Variants in ITGA8 observed in about 807,000 individuals in gnomAD.
The protein encoded by ITGA8 is integrin subunit alpha 8.
ITGA8 carries 91 observed loss-of-function variants against 142.3 expected under a neutral mutation model. That is an observed-to-expected ratio of 0.64 (90% CI 0.54 to 0.76). The LOEUF (loss-of-function observed/expected upper bound fraction) is 0.76, where lower values mean the gene tolerates loss of function less well. ITGA8 is among the 30% of genes least tolerant of loss of function. The pLI is 0.00. For synonymous variants in ITGA8, 505 were observed against 485.2 expected, an observed-to-expected ratio of 1.04 and a Z score of -0.54; for missense variants, 1,406 against 1,327.7, an observed-to-expected ratio of 1.06 and a Z score of -0.92.
At chr10:15,651,206 A>C (rs1834079209) in intron 11 of ITGA8, among the ~76,000 whole-genome samples, 1 of 152,186 alleles carries the variant, frequency 6.6e-6, no homozygotes, top group Middle Eastern at 3.2e-3. Flanking sequence ...GAAAAAAAAA[A>C]CATATTTGCT....
At chr10:15,595,139 A>G (rs1029104559) in intron 21 of ITGA8, among the ~76,000 whole-genome samples, 2 of 152,238 alleles carry the variant, frequency 1.3e-5, no homozygotes, top group African/African-American at 4.8e-5. Context: ...TGACTTTACT[A>G]TTTAAAAATC....
chr10:15,676,069 T>C (rs937659102), intron 6 of ITGA8, among the ~76,000 whole-genome samples: 1 of 152,154 alleles, frequency 6.6e-6, no homozygotes, highest in African/African-American at 2.4e-5. Flanking sequence ...TTTTGTGAAA[T>C]TAGCGGGCCA....
In ITGA8 at chr10:15,625,356, T is replaced by C. The variant is rs552636880; in HGVS notation, c.1400-8797A>G. On this transcript the variant is annotated intron_variant, in intron 13 of 29. Transcript: ENST00000378076. ...AGAATGATCCTTCCACCTTCAACTG[T>C]TTGATCCTAAACTTGTTGTATTTCG... Among the ~76,000 whole-genome samples the C allele has an allele frequency of 3.9e-5, 6 of 152,368 alleles. No individual in the cohort carries two copies. The East Asian group carries it at 9.6e-4, about 24-fold the overall frequency.
chr10:15,604,940 TG>T (rs1460624676), intron 19 of ITGA8, among the ~76,000 whole-genome samples: 2 of 152,170 alleles, frequency 1.3e-5, no homozygotes, highest in African/African-American at 2.4e-5. Context: ...CACTTAGAAC[TG>T]CAAATCAAGC....
intron 27 of ITGA8, among the ~76,000 whole-genome samples, chr10:15,542,211 T>G (rs566839924): frequency 1.7e-4 from 26 of 152,358 alleles, no homozygotes; most frequent in African/African-American, 5.5e-4. Flanking sequence ...GATCGAATCT[T>G]GCAATTTTGA....
At position 15,644,636 on chromosome 10, in the gene ITGA8, C is replaced by T. The variant is rs570563888; in HGVS notation, c.1208-415G>A. Reference sequence around the variant, plus strand: ...GAGCCACTGTGCTTGGCCATAGAGACGTTTCTTTTTTAAGTACAGAAGAAT... The same window carrying T: ...GAGCCACTGTGCTTGGCCATAGAGATGTTTCTTTTTTAAGTACAGAAGAAT... On this transcript the variant is annotated intron_variant, in intron 12 of 29. Coordinates refer to ENST00000378076, the MANE Select transcript of ITGA8 (RefSeq NM_003638.3). 1.0e-4 allele frequency among the ~76,000 whole-genome samples: 15 copies of T among 150,014 alleles called. No homozygotes were observed. The East Asian group carries it at 1.2e-3, about 12-fold the overall frequency.
At chr10:15,523,315 A>G (rs1054558021) in intron 28 of ITGA8, among the ~76,000 whole-genome samples, 7 of 151,182 alleles carry the variant, frequency 4.6e-5, no homozygotes, top group Middle Eastern at 3.4e-3. Context: ...AAAGACATTT[A>G]AAGTTTTTTT....
rs185082435 is a variant in ITGA8 at position 15,558,309 on chromosome 10, T to C, written c.2638-107A>G. ...TTTTTTTTTCTCAGTGGAATATGAT[T>C]CACATGAGGATCCAGACCTGTGATT... On this transcript the variant is annotated intron_variant, in intron 25 of 29. Transcript: ENST00000378076. The C allele has an allele frequency of 3.0e-5, 39 of 1,300,460 alleles. No individual in the cohort carries two copies. In the Admixed American group the frequency reaches 3.4e-4, roughly 11 times the overall value. The allele number at this position is 1,300,460 out of a possible 1,614,324, so 80.6% of individuals were successfully genotyped here. A position where few individuals can be genotyped will look rare whatever the true frequency, so the allele number is the denominator to read the frequency against.
intron 13 of ITGA8, among the ~76,000 whole-genome samples, chr10:15,630,093 G>A (rs1833658532): frequency 6.6e-6 from 1 of 152,072 alleles, no homozygotes; most frequent in Non-Finnish European, 1.5e-5. Context: ...AGGGTCAAGG[G>A]TTAAACGCTA....
At chr10:15,612,034 A>G (rs1833306934) in intron 15 of ITGA8, among the ~76,000 whole-genome samples, 1 of 152,180 alleles carries the variant, frequency 6.6e-6, no homozygotes, top group Admixed American at 6.5e-5. Context: ...CAACTCTCAC[A>G]GTTCATTGTT....
intron 2 of ITGA8, among the ~76,000 whole-genome samples, chr10:15,714,506 AC>A (rs1370279038): frequency 7.2e-5 from 11 of 151,766 alleles, no homozygotes; most frequent in African/African-American, 2.7e-4. Context: ...CTTTTTTGGA[AC>A]CCCTTGATTC....
In ITGA8 at chr10:15,531,043, TACTC is replaced by T. The variant is rs1349656298; in HGVS notation, c.2982+3_2982+6del. On this transcript the variant is annotated splice_donor_5th_base_variant and intron_variant, in intron 28 of 29. Coordinates refer to ENST00000378076, the MANE Select transcript of ITGA8 (RefSeq NM_003638.3). ...ATTTGTGCCTATATATATTTAAAGA[TACTC>T]ACTACTATGCTTCCTTCTGGGAGTT... The T allele has an allele frequency of 7.7e-7, 1 of 1,301,134 alleles. No individual in the cohort carries two copies. The highest frequency in any genetic ancestry group is 1.1e-6 in the Non-Finnish European group (1 of 920,314). 80.6% of individuals were successfully genotyped at this position (1,301,134 alleles called of 1,614,324 possible). A position where few individuals can be genotyped will look rare whatever the true frequency, so the allele number is the denominator to read the frequency against.
At chr10:15,671,474 G>T in intron 8 of ITGA8, 129 bp downstream of exon 8, 4 of 688,090 alleles carry the variant, frequency 5.8e-6, no homozygotes, top group Non-Finnish European at 5.1e-6. Context: ...CAAAGTATAG[G>T]CACTCTGGGA....
At chr10:15,676,548 G>T (rs1006718357) in intron 6 of ITGA8, among the ~76,000 whole-genome samples, 1 of 152,104 alleles carries the variant, frequency 6.6e-6, no homozygotes, top group African/African-American at 2.4e-5. Flanking sequence ...TTCGATTAAT[G>T]CCTGTTATCA....
chr10:15,655,555 C>T, intron 10 of ITGA8, 149 bp from the exon 11 acceptor site: 1 of 636,274 alleles, frequency 1.6e-6, no homozygotes, highest in Non-Finnish European at 2.8e-6. Context: ...GTCTTTTTGC[C>T]TCATTTAGTC....
intron 10 of ITGA8, among the ~76,000 whole-genome samples, chr10:15,656,080 G>GTC (rs1233929003): frequency 5.3e-5 from 8 of 152,124 alleles, no homozygotes; most frequent in Admixed American, 5.2e-4. Context: ...GAGAGACCCT[G>GTC]TCTCAAAAGA....
Position 15,657,388 on chromosome 10 carries a change from G to A in ITGA8, c.948+1611C>T, listed in dbSNP as rs570575953. Among the ~76,000 whole-genome samples the A allele has an allele frequency of 2.0e-5, 3 of 152,084 alleles. No homozygotes were observed. The South Asian group carries it at 6.2e-4, about 32-fold the overall frequency. ...TCCAAACCTTCCAAAAGAATATCAG[G>A]AGATATAAAATGCTTCGCTGAAAAT... On this transcript the variant is annotated intron_variant, in intron 10 of 29. Coordinates refer to ENST00000378076, the MANE Select transcript of ITGA8 (RefSeq NM_003638.3).
chr10:15,556,172 G>T (rs887927933), intron 26 of ITGA8, among the ~76,000 whole-genome samples: 1 of 150,294 alleles, frequency 6.7e-6, no homozygotes, highest in Non-Finnish European at 1.5e-5. Context: ...GATTACAGGC[G>T]CCTGCCACCA....
chr10:15,657,734 T>C (rs556018669), intron 10 of ITGA8, among the ~76,000 whole-genome samples: 5 of 152,274 alleles, frequency 3.3e-5, no homozygotes, highest in Admixed American at 2.6e-4. Context: ...TCTCTCCTCT[T>C]CAAATTTAAT....
Sources: gnomAD v4.1 joint callset for allele counts (sites outside exome capture counted in the v4.1 genomes callset) on GRCh38, gnomAD v4.1.1 for gene constraint, MANE v1.5 for transcripts, NCBI Gene and HGNC (gene_info 2026-07-23, HGNC 2026-07-21) for gene names.